COBL: variants seen among roughly 807,000 people sequenced by gnomAD.
COBL encodes the protein cordon-bleu WH2 repeat protein.
COBL carries 51 observed loss-of-function variants against 98.8 expected under a neutral mutation model. That is an observed-to-expected ratio of 0.52 (90% CI 0.41 to 0.65). The LOEUF (loss-of-function observed/expected upper bound fraction) is 0.65, where lower values mean the gene tolerates loss of function less well. Among genes scored for constraint, COBL ranks in the 30% least tolerant of loss-of-function variants. The pLI is 0.00. For synonymous variants in COBL, 634 were observed against 651.7 expected (o/e 0.97, Z 0.41); for missense variants, 1,617 against 1,617.5 (o/e 1.00, Z 0.01).
In COBL at chr7:51,219,826, T is replaced by C. The variant is rs530519412; in HGVS notation, c.160A>G (p.Met54Val). The C allele has an allele frequency of 1.1e-5, 17 of 1,614,098 alleles. No individual in the cohort carries two copies. The highest frequency in any genetic ancestry group is 2.2e-5 in the East Asian group (1 of 44,856). Residue 54 changes from methionine to valine, a missense_variant, in exon 2 of 13, where the codon ATG becomes GTG. Met to Val is a conservative substitution (Grantham distance 21). Coordinates refer to ENST00000265136, the MANE Select transcript of COBL (RefSeq NM_015198.5). ...GTGCTGGCCCTCAGCGCCTCCTTCA[T>C]GCGAACCAAGTTCTGCTGCGACCCG... ...ALGSQQNLVRMKEALRASTMD... is the reference protein window; with the variant it reads ...ALGSQQNLVRVKEALRASTMD...
intron 1 of COBL, among the ~76,000 whole-genome samples, chr7:51,300,016 G>A (rs982084954): frequency 3.9e-5 from 6 of 152,190 alleles, no homozygotes; most frequent in African/African-American, 1.4e-4. Flanking sequence ...TCAAGGCCCT[G>A]CAAACAGGCC....
intron 4 of COBL, among the ~76,000 whole-genome samples, chr7:51,185,791 C>T (rs1459548068): frequency 2.0e-5 from 3 of 152,226 alleles, no homozygotes; most frequent in African/African-American, 7.2e-5. Flanking sequence ...TATGATTTCA[C>T]ATTTGAGTTA....
Position 51,027,854 on chromosome 7 carries a change from T to C in COBL, c.3242A>G (p.Asp1081Gly), listed in dbSNP as rs2128870547. 1 of 1,614,226 alleles carries C rather than the reference T, an allele frequency of 6.2e-7. No individual in the cohort carries two copies. The highest frequency in any genetic ancestry group is 2.2e-5 in the East Asian group (1 of 44,882). Residue 1081 changes from aspartate (D) to glycine (G), a missense_variant, in exon 10 of 13, where the codon GAC becomes GGC. This residue lies in a region of COBL where 1,304 missense variants were observed against 1,282.0 expected (regional missense o/e 1.02). Transcript: ENST00000265136. ...SVFSTDGNET[D>G]SIWPPSIFGP... The stretch of plus-strand genomic sequence containing the variant: ...AAAAATGCTGGGTGGCCAAATACTG[T>C]CTGTTTCATTTCCATCTGTAGAGAA...
At chr7:51,235,618 C>G (rs1401956663) in intron 1 of COBL, among the ~76,000 whole-genome samples, 1 of 152,220 alleles carries the variant, frequency 6.6e-6, no homozygotes, top group African/African-American at 2.4e-5. Flanking sequence ...CATCCCTGAC[C>G]TTGAGAAGGC....
chr7:51,124,921 C>T (rs903605974), intron 6 of COBL, among the ~76,000 whole-genome samples: 4 of 152,128 alleles, frequency 2.6e-5, no homozygotes, highest in Admixed American at 6.5e-5. Flanking sequence ...AGGTGATTCT[C>T]GTGTCTCAGC....
intron 1 of COBL, among the ~76,000 whole-genome samples, chr7:51,258,371 T>C (rs1030640887): frequency 4.6e-5 from 7 of 152,192 alleles, no homozygotes; most frequent in African/African-American, 9.7e-5. Flanking sequence ...CTTGGACAAA[T>C]GGTAGAGTTA....
intron 7 of COBL, among the ~76,000 whole-genome samples, chr7:51,045,213 T>A (rs921818878): frequency 2.0e-5 from 3 of 152,206 alleles, no homozygotes; most frequent in Non-Finnish European, 4.4e-5. Flanking sequence ...CTATGTTGTA[T>A]ATAAAAAGTA....
intron 1 of COBL, among the ~76,000 whole-genome samples, chr7:51,274,976 T>C (rs1300634743): frequency 6.6e-6 from 1 of 152,220 alleles, no homozygotes. Context: ...GAAACACCGA[T>C]ATTAACAAAT....
intron 1 of COBL, among the ~76,000 whole-genome samples, chr7:51,234,334 C>G (rs903265498): frequency 2.6e-5 from 4 of 152,246 alleles, no homozygotes; most frequent in African/African-American, 9.6e-5. Flanking sequence ...CACCCACCCT[C>G]AGGCACAGCC....
chr7:51,201,536 CTCT>C, intron 2 of COBL, among the ~76,000 whole-genome samples: 1 of 152,264 alleles, frequency 6.6e-6, no homozygotes, highest in Non-Finnish European at 1.5e-5. Flanking sequence ...AAACTTTACT[CTCT>C]ATAATGGATA....
Position 51,316,656 on chromosome 7 carries a change from G to A in COBL, c.-23C>T. 1 of 1,193,056 alleles carries A rather than the reference G, an allele frequency of 8.4e-7. No homozygotes were observed. Among genetic ancestry groups the A allele is most frequent in the Non-Finnish European group, 1.0e-6 (1 of 962,726 alleles). The allele number at this position is 1,193,056 out of a possible 1,614,324, so 73.9% of individuals were successfully genotyped here. ...CATGGTGCCGGGGGCCGGGACGCGG[G>A]CGGTGCTCCGGGCCCGCCGAGTCAG... is the stretch of plus-strand genomic sequence containing the variant. On this transcript the variant is annotated 5_prime_UTR_variant, in exon 1 of 13. Coordinates refer to ENST00000265136, the MANE Select transcript of COBL (RefSeq NM_015198.5).
chr7:51,256,895 A>G (rs550324118), intron 1 of COBL, among the ~76,000 whole-genome samples: 62 of 152,346 alleles, frequency 4.1e-4, no homozygotes, highest in Non-Finnish European at 2.8e-4. Context: ...AATTTTACAT[A>G]TAGCACCAGA....
chr7:51,129,508 T>C (rs1798539246), intron 6 of COBL, among the ~76,000 whole-genome samples: 1 of 152,072 alleles, frequency 6.6e-6, no homozygotes, highest in Admixed American at 6.6e-5. Context: ...AAATAAATCA[T>C]GTACACGTAA....
chr7:51,297,563 T>G (rs1801531969), intron 1 of COBL, among the ~76,000 whole-genome samples: 1 of 152,072 alleles, frequency 6.6e-6, no homozygotes, highest in Non-Finnish European at 1.5e-5. Flanking sequence ...AGCTAATTTT[T>G]TGTATGTTTA....
At chr7:51,065,456 G>C (rs1479784429) in intron 7 of COBL, 2 of 693,396 alleles carry the variant, frequency 2.9e-6, no homozygotes. Flanking sequence ...TAAACTGTAG[G>C]GGCAAGGAGG....
intron 7 of COBL, among the ~76,000 whole-genome samples, chr7:51,044,410 T>C (rs561208487): frequency 6.6e-6 from 1 of 152,320 alleles, no homozygotes; most frequent in South Asian, 2.1e-4. Flanking sequence ...TAGCAATACA[T>C]TAAGTGTAAG....
chr7:51,236,159 A>G (rs1049190468), intron 1 of COBL, among the ~76,000 whole-genome samples: 1 of 152,224 alleles, frequency 6.6e-6, no homozygotes. Context: ...AGGAACGGTC[A>G]TCCCACTTAA....
rs546889864 is a variant in COBL, at chr7:51,108,217, G to A, written c.958-22913C>T. Among the ~76,000 whole-genome samples, 11 of 152,250 alleles carry A rather than the reference G, an allele frequency of 7.2e-5. No homozygotes were observed. In the South Asian group the frequency reaches 2.3e-3, roughly 32 times the overall value. On this transcript the variant is annotated intron_variant, in intron 6 of 12. Transcript: ENST00000265136. ...GATTCCCCACCCTCTCCTGACAGCA[G>A]CCACTCTCCTGGTGGCATGAGTGGA...
At chr7:51,063,163 C>G (rs1340435807) in intron 7 of COBL, among the ~76,000 whole-genome samples, 1 of 145,698 alleles carries the variant, frequency 6.9e-6, no homozygotes, top group African/African-American at 2.6e-5. Context: ...TAGATGAAGT[C>G]TCACTCTGTC....
Sources: allele counts gnomAD v4.1 joint callset (sites outside exome capture counted in the v4.1 genomes callset), GRCh38; gene constraint gnomAD v4.1.1; regional missense constraint gnomAD v4.1.1; transcripts MANE v1.5; gene names NCBI Gene and HGNC (gene_info 2026-07-23, HGNC 2026-07-21).